Variants in SH3TC1 observed in about 807,000 individuals in gnomAD.
SH3TC1 encodes the protein SH3 domain and tetratricopeptide repeats 1.
A neutral mutation model predicts 117.3 loss-of-function variants in SH3TC1; 135 were observed. The ratio of observed to expected loss-of-function variants is 1.15; its 90% CI spans 1.00 to 1.33. The LOEUF is 1.33. Ranked by LOEUF, SH3TC1 falls within the 40% of genes most tolerant of loss-of-function variation. The pLI is 0.00. For synonymous variants in SH3TC1, 898 were observed against 816.9 expected (o/e 1.10, Z -1.69); for missense variants, 2,092 against 1,794.3 (o/e 1.17, Z -3.00).
Position 8,209,238 on chromosome 4 carries a change from G to A in SH3TC1, c.173-510G>A, listed in dbSNP as rs139646263. ...AGATGTGATCAAAGGCAAGGATCTC[G>A]AGATGGAGAGATGATCCCGGATGCT... On this transcript the variant is annotated intron_variant, in intron 2 of 17. Coordinates refer to ENST00000245105, the MANE Select transcript of SH3TC1 (RefSeq NM_018986.5). The surrounding 1 kb of genome is among the most constrained non-coding windows in gnomAD (Gnocchi z 5.9). 1.3e-5 allele frequency among the ~76,000 whole-genome samples: 2 copies of A among 152,242 alleles called. No individual in the cohort carries two copies. Among genetic ancestry groups the A allele is most frequent in the Admixed American group, 6.5e-5 (1 of 15,282 alleles).
chr4:8,231,614 T>C (rs3756193), intron 12 of SH3TC1: 90,596 of 245,716 alleles, frequency 0.37, 17,699 homozygotes, highest in Non-Finnish European at 0.41. Context: ...TGACATTTGG[T>C]TTTGCTCCCC....
At chr4:8,233,102 C>G (rs1424155242) in intron 13 of SH3TC1, 17 of 1,313,794 alleles carry the variant, frequency 1.3e-5, no homozygotes, top group Middle Eastern at 3.0e-4. Flanking sequence ...GTCTGGGACG[C>G]GGGGGAGATG....
At position 8,209,254 on chromosome 4, in the gene SH3TC1, C is replaced by G. The variant is rs1355248693; in HGVS notation, c.173-494C>G. On this transcript the variant is annotated intron_variant, in intron 2 of 17. Coordinates refer to ENST00000245105, the MANE Select transcript of SH3TC1 (RefSeq NM_018986.5). This position sits in a 1 kb window ranked among gnomAD's most constrained non-coding sequence, Gnocchi z 5.9. Reference sequence around the variant, plus strand: ...AAGGATCTCGAGATGGAGAGATGATCCCGGATGCTCCAGTGGGCCCTCCAT... The same window carrying G: ...AAGGATCTCGAGATGGAGAGATGATGCCGGATGCTCCAGTGGGCCCTCCAT... 6.6e-6 allele frequency among the ~76,000 whole-genome samples: 1 copy of G among 152,190 alleles called. No homozygotes were observed. The highest frequency in any genetic ancestry group is 2.4e-5 in the African/African-American group (1 of 41,438).
At chr4:8,233,219 G>T in intron 13 of SH3TC1, 144 bp from the exon 14 acceptor site, 1 of 1,418,966 alleles carries the variant, frequency 7.0e-7, no homozygotes, top group Non-Finnish European at 9.2e-7. Flanking sequence ...CCTCTCAGCA[G>T]CCCGGGAAGG....
chr4:8,200,007 C>A (rs1717722058), intron 1 of SH3TC1, among the ~76,000 whole-genome samples: 1 of 152,220 alleles, frequency 6.6e-6, no homozygotes, highest in Non-Finnish European at 1.5e-5. Flanking sequence ...GGCGTGTGCT[C>A]CTGTGTGTGT....
rs1213855430 is a variant in SH3TC1 at position 8,216,271 on chromosome 4, G to A, written c.628+14G>A. ...TCATCCAAGAAGGTGAGCGTTGCATGGGGTGATGGCCGAGATCCAGCTGTG... is the reference window on the plus strand; with the variant it reads ...TCATCCAAGAAGGTGAGCGTTGCATAGGGTGATGGCCGAGATCCAGCTGTG... On this transcript the variant is annotated intron_variant, in intron 6 of 17. Transcript: ENST00000245105. 22 of 1,610,944 alleles carry A rather than the reference G, an allele frequency of 1.4e-5. No homozygotes were observed. The highest frequency in any genetic ancestry group is 1.7e-5 in the Non-Finnish European group (20 of 1,178,662).
intron 17 of SH3TC1, among the ~76,000 whole-genome samples, chr4:8,238,728 G>A (rs536252213): frequency 6.6e-6 from 1 of 152,188 alleles, no homozygotes; most frequent in African/African-American, 2.4e-5. Flanking sequence ...ACTGCTCAGG[G>A]GCTGGCCTGG....
In SH3TC1 at chr4:8,192,244, C is replaced by G. The variant is rs1004207757; in HGVS notation, c.-57+10034C>G. ...CCTGACCTCAAGTGATCTGCACCCC[C>G]CTCGGCCTCCCAAAGTGCTGGGATT... On this transcript the variant is annotated intron_variant, in intron 1 of 16. Transcript: ENST00000508641. This position sits in a 1 kb window ranked among gnomAD's most constrained non-coding sequence, Gnocchi z 4.1. Among the ~76,000 whole-genome samples the G allele has an allele frequency of 5.9e-5, 9 of 152,090 alleles. No individual in the cohort carries two copies. Among genetic ancestry groups the G allele is most frequent in the African/African-American group, 2.2e-4 (9 of 41,490 alleles).
Position 8,227,332 on chromosome 4 carries a change from C to G in SH3TC1, c.1638C>G (p.Ala546=). The G allele has an allele frequency of 6.2e-7, 1 of 1,606,438 alleles. No individual in the cohort carries two copies. The highest frequency in any genetic ancestry group is 1.3e-5 in the African/African-American group (1 of 74,786). The change falls in exon 12 of 18, where the codon GCC becomes GCG. Residue 546 remains alanine, a synonymous_variant. Transcript: ENST00000245105. ...AGCTGACTGGGCGCCTGGCACAGGC[C>G]CGGGGGGCGGCCAAGAAAGCTGGCC... The part of the protein sequence containing the change: ...EEELTGRLAQ[A]RGAAKKAGLL...
chr4:8,236,434 C>T lies in SH3TC1; in HGVS notation c.3556+6C>T, dbSNP rs1455325570. On this transcript the variant is annotated splice_donor_region_variant and intron_variant, in intron 16 of 17. Coordinates refer to ENST00000245105, the MANE Select transcript of SH3TC1 (RefSeq NM_018986.5). ...AGCACTCAGCATCACCCTGGGTAAG[C>T]CCCCTGAGCCCCTGCCCTGCCAGGA... The T allele has an allele frequency of 2.8e-6, 4 of 1,441,654 alleles. No homozygotes were observed. Among genetic ancestry groups the T allele is most frequent in the Non-Finnish European group, 3.7e-6 (4 of 1,088,768 alleles). 89.3% of individuals were successfully genotyped at this position (1,441,654 alleles called of 1,614,324 possible). A position where few individuals can be genotyped will look rare whatever the true frequency, so the allele number is the denominator to read the frequency against.
intron 5 of SH3TC1, 80 bp from the exon 6 acceptor site, chr4:8,216,031 C>A (rs377378834): frequency 2.5e-5 from 38 of 1,544,600 alleles, no homozygotes; most frequent in Non-Finnish European, 1.4e-5. Flanking sequence ...CAGGGCTCAG[C>A]CGACCTGGGA....
intron 9 of SH3TC1, among the ~76,000 whole-genome samples, chr4:8,220,426 T>C (rs1268902236): frequency 1.3e-5 from 2 of 148,722 alleles, no homozygotes; most frequent in Non-Finnish European, 3.0e-5. Flanking sequence ...TCTTCCTATG[T>C]GATTTACACG....
chr4:8,184,112 C>A (rs1717158864), intron 1 of SH3TC1, among the ~76,000 whole-genome samples: 1 of 152,162 alleles, frequency 6.6e-6, no homozygotes, highest in African/African-American at 2.4e-5. Context: ...TGTACACCAA[C>A]CATGTATATA....
Position 8,228,375 on chromosome 4 carries a change from G to A in SH3TC1, c.2681G>A (p.Arg894Gln), listed in dbSNP as rs377116720. 2.7e-4 allele frequency: 443 copies of A among 1,611,034 alleles called. No individual in the cohort carries two copies. Among genetic ancestry groups the A allele is most frequent in the Non-Finnish European group, 3.6e-4 (421 of 1,179,324 alleles). The change falls in exon 12 of 18, where the codon CGG becomes CAG. Residue 894 changes from arginine to glutamine, a missense_variant. Transcript: ENST00000245105. ...ESYYRALRVA[R>Q]DLGQQRNQAV... ...TACTACCGCGCCCTGCGGGTGGCTC[G>A]GGACCTGGGCCAGCAAAGGAACCAG...
rs1196549633 is a variant in SH3TC1, at chr4:8,205,262, C to G, written c.68C>G (p.Ser23Ter). Reference sequence around the variant, plus strand: ...ATGGGGAGGGGTCCTGTGGGACCCTCAGGAGGTGGCAGCACCCGGGACCAG... The same window carrying G: ...ATGGGGAGGGGTCCTGTGGGACCCTGAGGAGGTGGCAGCACCCGGGACCAG... ...TPMGRGPVGP[S>*]GGGSTRDQVR... The change falls in exon 2 of 18, where the codon TCA becomes TGA. Residue 23 changes from serine (S) to a stop codon, truncating the protein, a stop_gained. Coordinates refer to ENST00000245105, the MANE Select transcript of SH3TC1 (RefSeq NM_018986.5). LOFTEE classifies it high-confidence loss of function. The surrounding 1 kb of genome is among the most constrained non-coding windows in gnomAD (Gnocchi z 5.4). 1 of 1,550,482 alleles carries G rather than the reference C, an allele frequency of 6.4e-7. No homozygotes were observed. Among genetic ancestry groups the G allele is most frequent in the Non-Finnish European group, 8.7e-7 (1 of 1,147,114 alleles).
At chr4:8,231,796 C>G in intron 12 of SH3TC1, 180 bp from the exon 13 acceptor site, 1 of 666,534 alleles carries the variant, frequency 1.5e-6, no homozygotes, top group South Asian at 1.9e-5. Context: ...AGGCCGGCCT[C>G]TACCATGGGC....
At chr4:8,240,206 G>C (rs2153000046) in intron 17 of SH3TC1, among the ~76,000 whole-genome samples, 1 of 152,266 alleles carries the variant, frequency 6.6e-6, no homozygotes, top group Non-Finnish European at 1.5e-5. Flanking sequence ...GGATGTCTGG[G>C]GCATCACACT....
At chr4:8,189,827 C>T (rs541496814) in intron 1 of SH3TC1, among the ~76,000 whole-genome samples, 23 of 152,282 alleles carry the variant, frequency 1.5e-4, no homozygotes, top group African/African-American at 5.5e-4. Context: ...CCGGCGTGAG[C>T]TCCCCGCACA....
chr4:8,211,595 C>G (rs1457627192), intron 3 of SH3TC1, among the ~76,000 whole-genome samples: 2 of 150,522 alleles, frequency 1.3e-5, no homozygotes, highest in African/African-American at 4.9e-5. Flanking sequence ...GAGGCCAAAG[C>G]CCCTGGAATG....
Sources: allele counts gnomAD v4.1 joint callset (sites outside exome capture counted in the v4.1 genomes callset), GRCh38; gene constraint gnomAD v4.1.1; non-coding constraint Gnocchi (gnomAD v3.1); transcripts MANE v1.5; gene names NCBI Gene and HGNC (gene_info 2026-07-23, HGNC 2026-07-21).